Variants in IQCM observed in about 807,000 individuals in gnomAD.
The protein encoded by IQCM is IQ domain-containing protein M.
Under a neutral mutation model 57.6 loss-of-function variants are expected in IQCM, and 45 were observed. The ratio of observed to expected loss-of-function variants is 0.78; its 90% confidence interval spans 0.62 to 1.00. The LOEUF (loss-of-function observed/expected upper bound fraction) is 1.00. Among genes scored for constraint, IQCM ranks in the 50% least tolerant of loss-of-function variants. The probability of loss-of-function intolerance (pLI) is 0.00; values close to 1 mark genes in which losing one functional copy is unlikely to be tolerated. For missense variants in IQCM, 468 were observed against 511.6 expected (o/e 0.91, Z 0.82); for synonymous variants, 148 against 158.9 (o/e 0.93, Z 0.51).
chr4:149,734,657 G>A (rs1349672339), intron 4 of IQCM, among the ~76,000 whole-genome samples: 4 of 151,926 alleles, frequency 2.6e-5, no homozygotes, highest in Admixed American at 6.6e-5. Flanking sequence ...TAAACCATCC[G>A]AAGTTACCCT....
intron 2 of IQCM, among the ~76,000 whole-genome samples, chr4:149,771,698 G>A (rs975030589): frequency 6.6e-6 from 1 of 151,978 alleles, no homozygotes; most frequent in African/African-American, 2.4e-5. Flanking sequence ...GTGTGTGTCT[G>A]TACTTGTTAT....
chr4:149,491,438 T>C (rs1435364068), intron 12 of IQCM, among the ~76,000 whole-genome samples: 1 of 152,114 alleles, frequency 6.6e-6, no homozygotes, highest in African/African-American at 2.4e-5. Flanking sequence ...CAGCCCCTGG[T>C]AAACCATCAT....
At chr4:149,358,094 C>T (rs1729142140) in intron 13 of IQCM, among the ~76,000 whole-genome samples, 1 of 151,854 alleles carries the variant, frequency 6.6e-6, no homozygotes, top group Non-Finnish European at 1.5e-5. Context: ...TGGTGATATC[C>T]CCTTTATCAT....
At chr4:149,718,676 G>C (rs981439312) in intron 5 of IQCM, among the ~76,000 whole-genome samples, 4 of 152,178 alleles carry the variant, frequency 2.6e-5, no homozygotes, top group Non-Finnish European at 5.9e-5. Context: ...GATCCTGGCA[G>C]GGCTGCTCTC....
intron 5 of IQCM, among the ~76,000 whole-genome samples, chr4:149,716,551 C>T (rs1446625886): frequency 6.6e-6 from 1 of 152,202 alleles, no homozygotes; most frequent in African/African-American, 2.4e-5. Flanking sequence ...GAGGGCGGGG[C>T]TCACACCTGT....
chr4:149,381,302 C>T (rs1206056269), intron 13 of IQCM, among the ~76,000 whole-genome samples: 2 of 152,126 alleles, frequency 1.3e-5, no homozygotes, highest in South Asian at 2.1e-4. Context: ...CTCCTCTTCT[C>T]CCTTCAGTCT....
chr4:149,544,089 T>G (rs1748142280), intron 12 of IQCM, among the ~76,000 whole-genome samples: 1 of 152,134 alleles, frequency 6.6e-6, no homozygotes, highest in Non-Finnish European at 1.5e-5. Flanking sequence ...TACTAGTATG[T>G]GAGCCCTTTC....
At chr4:149,686,252 C>A in intron 6 of IQCM, 126 bp downstream of exon 6, 1 of 418,724 alleles carries the variant, frequency 2.4e-6, no homozygotes, top group Non-Finnish European at 4.0e-6. Flanking sequence ...TCAAGCGGAA[C>A]AATAAATTAG....
chr4:149,404,090 AAGAC>A (rs1732808134), intron 13 of IQCM, among the ~76,000 whole-genome samples: 1 of 152,036 alleles, frequency 6.6e-6, no homozygotes, highest in Non-Finnish European at 1.5e-5. Flanking sequence ...TACACAGAGT[AAGAC>A]AGAATTTCTT....
intron 7 of IQCM, among the ~76,000 whole-genome samples, chr4:149,659,435 C>G (rs944341883): frequency 6.6e-6 from 1 of 152,040 alleles, no homozygotes; most frequent in East Asian, 1.9e-4. Context: ...AATGCCATCT[C>G]CATCAAGCTA....
chr4:149,388,263 T>C (rs1269301343), intron 13 of IQCM, among the ~76,000 whole-genome samples: 1 of 151,632 alleles, frequency 6.6e-6, no homozygotes, highest in Non-Finnish European at 1.5e-5. Context: ...GTACAAACTG[T>C]TTTCCAAATT....
At chr4:149,437,469 A>G (rs1735477391) in intron 12 of IQCM, among the ~76,000 whole-genome samples, 1 of 151,792 alleles carries the variant, frequency 6.6e-6, no homozygotes, top group South Asian at 2.1e-4. Context: ...CACAATATGA[A>G]CTCTACACCA....
intron 9 of IQCM, among the ~76,000 whole-genome samples, chr4:149,570,601 A>T (rs1396022683): frequency 2.0e-5 from 3 of 152,140 alleles, no homozygotes; most frequent in Non-Finnish European, 4.4e-5. Context: ...GGGGCAATAA[A>T]AATCCTGCTA....
chr4:149,629,429 A>T (rs571905036), intron 7 of IQCM, among the ~76,000 whole-genome samples: 1 of 152,258 alleles, frequency 6.6e-6, no homozygotes, highest in Non-Finnish European at 1.5e-5. Context: ...TGATTTTCTT[A>T]TAACTTAAAT....
At chr4:149,780,843 T>C (rs1395533435) in intron 2 of IQCM, among the ~76,000 whole-genome samples, 1 of 152,058 alleles carries the variant, frequency 6.6e-6, no homozygotes, top group East Asian at 1.9e-4. Context: ...AAGCCTAAGA[T>C]AGTGAAGAGA....
At position 149,804,742 on chromosome 4, in the gene IQCM, C is replaced by T. The variant is rs376537661; in HGVS notation, c.-49+10569G>A. On this transcript the variant is annotated intron_variant, in intron 2 of 13. Transcript: ENST00000636793. ...TCCACTTTTTAATTCTAACTTCTATCGTGGTCTTTTCTAGTAACATGTGAG... is the reference window on the plus strand; with the variant it reads ...TCCACTTTTTAATTCTAACTTCTATTGTGGTCTTTTCTAGTAACATGTGAG... Among the ~76,000 whole-genome samples, 5 of 152,028 alleles carry T rather than the reference C, an allele frequency of 3.3e-5. No homozygotes were observed. In the East Asian group the frequency reaches 5.8e-4, roughly 18 times the overall value.
At chr4:149,562,051 G>T (rs537299894) in intron 10 of IQCM, among the ~76,000 whole-genome samples, 1 of 152,330 alleles carries the variant, frequency 6.6e-6, no homozygotes, top group Admixed American at 6.5e-5. Flanking sequence ...CAGAGAATGT[G>T]TCAGGGGGTA....
chr4:149,731,787 C>A (rs1473482320), intron 5 of IQCM, among the ~76,000 whole-genome samples: 1 of 152,158 alleles, frequency 6.6e-6, no homozygotes, highest in Non-Finnish European at 1.5e-5. Context: ...AAACAGATTT[C>A]TTTTCTGCAG....
At chr4:149,794,591 G>A (rs1772943532) in intron 2 of IQCM, among the ~76,000 whole-genome samples, 1 of 152,018 alleles carries the variant, frequency 6.6e-6, no homozygotes, top group African/African-American at 2.4e-5. Context: ...AGACATTTGA[G>A]GAAAATCAAT....
Sources: allele counts gnomAD v4.1 joint callset (sites outside exome capture counted in the v4.1 genomes callset), GRCh38; gene constraint gnomAD v4.1.1; transcripts MANE v1.5; gene names NCBI Gene and HGNC (gene_info 2026-07-23, HGNC 2026-07-21).